Variants in ABCC2 observed in about 807,000 individuals in gnomAD.
ABCC2 encodes ATP binding cassette subfamily C member 2.
A neutral mutation model predicts 173.4 loss-of-function variants in ABCC2; 157 were observed. The observed-to-expected ratio is 0.91, with a 90% CI of 0.80 to 1.03. ABCC2 has a LOEUF of 1.03. Among genes scored for constraint, ABCC2 ranks in the 50% least tolerant of loss-of-function variants. The pLI, the probability that ABCC2 is intolerant of heterozygous loss-of-function variation, is 0.00. For synonymous variants in ABCC2, 657 were observed against 693.5 expected (o/e 0.95, Z 0.83); for missense variants, 1,822 against 1,852.3 (o/e 0.98, Z 0.30).
intron 3 of ABCC2, among the ~76,000 whole-genome samples, 194 bp from the exon 4 acceptor site, chr10:99,793,357 A>G (rs933599767): frequency 1.3e-5 from 2 of 152,178 alleles, no homozygotes; most frequent in African/African-American, 4.8e-5. Flanking sequence ...GAGATGAGGC[A>G]CTAAAAGAAA....
At chr10:99,818,455 G>A (rs1421630587) in intron 17 of ABCC2, among the ~76,000 whole-genome samples, 1 of 151,956 alleles carries the variant, frequency 6.6e-6, no homozygotes, top group Non-Finnish European at 1.5e-5. Flanking sequence ...CGCTTATTGA[G>A]CACCTACTAT....
intron 5 of ABCC2, 114 bp from the exon 6 acceptor site, chr10:99,794,299 A>T: frequency 2.0e-6 from 2 of 998,616 alleles, no homozygotes; most frequent in Non-Finnish European, 3.1e-6. Flanking sequence ...CTTTAACATC[A>T]TATCTAGTTT....
chr10:99,830,889 T>C (rs751566167), intron 21 of ABCC2, 38 bp downstream of exon 21: 2 of 1,612,908 alleles, frequency 1.2e-6, no homozygotes, highest in East Asian at 2.2e-5. Context: ...TGAGGTGTTA[T>C]AAGGTTTAGA....
intron 16 of ABCC2, among the ~76,000 whole-genome samples, chr10:99,814,488 C>CATAT (rs2038329182): frequency 7.7e-6 from 1 of 129,922 alleles, no homozygotes; most frequent in African/African-American, 2.9e-5. Context: ...TATACATACA[C>CATAT]ACAAACATAT....
chr10:99,814,242 C>CACACACGTATGTATACACACGTATGTAT (rs1248782494), intron 16 of ABCC2, among the ~76,000 whole-genome samples: 1 of 60,456 alleles, frequency 1.7e-5, no homozygotes, highest in Non-Finnish European at 3.2e-5. Flanking sequence ...TGTATATATG[C>CACACACGTATGTATACACACGTATGTAT]ACACACGTAT....
intron 9 of ABCC2, among the ~76,000 whole-genome samples, chr10:99,803,170 TA>T (rs1481525242): frequency 6.6e-6 from 1 of 152,166 alleles, no homozygotes; most frequent in Non-Finnish European, 1.5e-5. Context: ...GGTTTCGCCA[TA>T]TTGGCCAGGC....
Position 99,788,213 on chromosome 10 carries a change from TTTCACACA to T in ABCC2, c.207+3433_207+3440del, listed in dbSNP as rs1199997539. Among the ~76,000 whole-genome samples the T allele has an allele frequency of 2.0e-4, 30 of 152,350 alleles. 1 individual carries two copies. The South Asian group carries it at 5.0e-3, about 25-fold the overall frequency. On this transcript the variant is annotated intron_variant, in intron 2 of 31. Coordinates refer to ENST00000647814, the MANE Select transcript of ABCC2 (RefSeq NM_000392.5). ...TACAAACAGCTACGTACATATATTTTTTCACACAAATGCTAGCGTCCCATATGTGCTTT... is the reference window on the plus strand; with the variant it reads ...TACAAACAGCTACGTACATATATTTTAATGCTAGCGTCCCATATGTGCTTT...
rs371492614 is a variant in ABCC2 at position 99,831,592 on chromosome 10, T to C, written c.2884-19T>C. On this transcript the variant is annotated intron_variant, in intron 21 of 31. Coordinates refer to ENST00000647814, the MANE Select transcript of ABCC2 (RefSeq NM_000392.5). ...AGCCATTAGGGAGTTCTACTAATAT[T>C]GAGGTGGGGACTTTGCAGGTGAAGT... 20 of 1,608,438 alleles carry C rather than the reference T, an allele frequency of 1.2e-5. No homozygotes were observed. The African/African-American group carries it at 2.5e-4, about 20-fold the overall frequency.
At chr10:99,818,644 T>C in intron 17 of ABCC2, 146 bp from the exon 18 acceptor site, 1 of 752,740 alleles carries the variant, frequency 1.3e-6, no homozygotes, top group Non-Finnish European at 2.2e-6. Context: ...TTTGAATCAG[T>C]TCTTTATTTG....
chr10:99,836,289 A>C lies in ABCC2; in HGVS notation c.3613A>C (p.Arg1205=). Residue 1205 remains arginine (R), a splice_region_variant and synonymous_variant, in exon 25 of 32, where the codon AGG becomes CGG. Coordinates refer to ENST00000647814, the MANE Select transcript of ABCC2 (RefSeq NM_000392.5). ...TGTCTTTTCCTGGATCACCTCCAAC[A>C]GGTGAGGCTTCCCCTGGGTATTTAC... The part of the protein sequence containing the change: ...KCVFSWITSN[R]WLAIRLELVG... 6 of 1,614,172 alleles carry C rather than the reference A, an allele frequency of 3.7e-6. No individual in the cohort carries two copies. The highest frequency in any genetic ancestry group is 5.1e-6 in the Non-Finnish European group (6 of 1,180,008).
chr10:99,799,208 A>G lies in ABCC2; in HGVS notation c.869A>G (p.Glu290Gly), dbSNP rs750931555. Residue 290 changes from glutamate (E) to glycine (G), a missense_variant and splice_region_variant, in exon 8 of 32, where the codon GAA becomes GGA. Physicochemically the swap from Glu to Gly is moderately conservative, Grantham distance 98. Transcript: ENST00000647814. ...QSQSQDALVLEDVEKKKKKSG... is the reference protein window; with the variant it reads ...QSQSQDALVLGDVEKKKKKSG... ...ACTGTTGTTTGGTTTTGTACCTAGG[A>G]AGATGTTGAAAAGAAAAAAAAGAAG... 3.7e-6 allele frequency: 6 copies of G among 1,613,890 alleles called. No homozygotes were observed. The highest frequency in any genetic ancestry group is 1.3e-5 in the African/African-American group (1 of 74,902).
chr10:99,802,743 T>C (rs2038033379), intron 9 of ABCC2, among the ~76,000 whole-genome samples: 1 of 152,186 alleles, frequency 6.6e-6, no homozygotes, highest in Non-Finnish European at 1.5e-5. Context: ...ACAAGGTGGC[T>C]CTCCTTCTTC....
chr10:99,815,822 C>T (rs1168188666), intron 16 of ABCC2, among the ~76,000 whole-genome samples: 1 of 152,214 alleles, frequency 6.6e-6, no homozygotes, highest in African/African-American at 2.4e-5. Context: ...ATGAACTAAT[C>T]TGCAATTTAA....
chr10:99,823,433 C>G (rs2038574528), intron 19 of ABCC2, among the ~76,000 whole-genome samples: 1 of 152,012 alleles, frequency 6.6e-6, no homozygotes, highest in African/African-American at 2.4e-5. Context: ...GCTGGTTTAA[C>G]TGATCATCCA....
intron 19 of ABCC2, among the ~76,000 whole-genome samples, chr10:99,820,870 A>C (rs971915881): frequency 6.6e-6 from 1 of 152,208 alleles, no homozygotes; most frequent in Admixed American, 6.5e-5. Flanking sequence ...GGAATGAGAG[A>C]CTTGGAAAAG....
rs2038341195 is a variant in ABCC2, at chr10:99,814,576, T to TATACACATATACACACAC, written c.2094+1434_2094+1435insACACATATACACACACAT. Among the ~76,000 whole-genome samples the TATACACATATACACACAC allele has an allele frequency of 2.5e-4, 27 of 108,604 alleles. 4 individuals carry two copies. Among genetic ancestry groups the TATACACATATACACACAC allele is most frequent in the Non-Finnish European group, 8.2e-5 (4 of 48,964 alleles). 71.2% of individuals were successfully genotyped at this position (108,604 alleles called of 152,430 possible). A position where few individuals can be genotyped will look rare whatever the true frequency, so the allele number is the denominator to read the frequency against. On this transcript the variant is annotated intron_variant, in intron 16 of 31. Coordinates refer to ENST00000647814, the MANE Select transcript of ABCC2 (RefSeq NM_000392.5). The stretch of plus-strand genomic sequence containing the variant: ...GTGTATATACACATATACACACACA[T>TATACACATATACACACAC]ATGTGTATATACACATATACACACA...
At chr10:99,809,142 TAG>T (rs1478531249) in intron 13 of ABCC2, among the ~76,000 whole-genome samples, 1 of 152,062 alleles carries the variant, frequency 6.6e-6, no homozygotes, top group Non-Finnish European at 1.5e-5. Flanking sequence ...CACCTGAGGT[TAG>T]GAGTTTGAGA....
intron 21 of ABCC2, among the ~76,000 whole-genome samples, chr10:99,831,149 A>G (rs1459931707): frequency 1.3e-5 from 2 of 152,188 alleles, no homozygotes. Flanking sequence ...CATAATTCAA[A>G]TTAATGAAAT....
chr10:99,801,552 T>C (rs1052246879), intron 9 of ABCC2, among the ~76,000 whole-genome samples: 3 of 152,192 alleles, frequency 2.0e-5, no homozygotes, highest in Non-Finnish European at 2.9e-5. Context: ...TTGTTTTTAA[T>C]GGTTAACTTT....
Sources: gnomAD v4.1 joint callset for allele counts (sites outside exome capture counted in the v4.1 genomes callset) on GRCh38, gnomAD v4.1.1 for gene constraint, MANE v1.5 for transcripts, NCBI Gene and HGNC (gene_info 2026-07-23, HGNC 2026-07-21) for gene names.